TCF20: variants seen among roughly 807,000 people sequenced by gnomAD.
TCF20 encodes SPRE-binding protein.
Under a neutral mutation model 148.6 loss-of-function variants are expected in TCF20, and 3 were observed. The ratio of observed to expected loss-of-function variants is 0.02; its 90% CI spans 0.01 to 0.05. The LOEUF is 0.05. Ranked by LOEUF, TCF20 falls within the 10% of genes least tolerant of loss-of-function variation. TCF20 has a pLI of 1.00. For synonymous variants in TCF20, 1,049 were observed against 909.5 expected (o/e 1.15, Z -2.76); for missense variants, 2,350 against 2,429.3 (o/e 0.97, Z 0.69).
chr22:42,204,501 T>C (rs1360321001), intron 2 of TCF20, among the ~76,000 whole-genome samples: 1 of 142,012 alleles, frequency 7.0e-6, no homozygotes, highest in Non-Finnish European at 1.5e-5. Flanking sequence ...TCTCAAAAAA[T>C]CAAGGAAAAA....
At chr22:42,197,633 C>CTT (rs1350935774) in intron 2 of TCF20, among the ~76,000 whole-genome samples, 35 of 152,162 alleles carry the variant, frequency 2.3e-4, no homozygotes, top group Admixed American at 2.3e-3. Context: ...GGATGAGAAA[C>CTT]TTTTTAAGAG....
At chr22:42,187,125 G>A (rs1005333262) in intron 2 of TCF20, among the ~76,000 whole-genome samples, 1 of 152,128 alleles carries the variant, frequency 6.6e-6, no homozygotes, top group Admixed American at 6.5e-5. Flanking sequence ...AGAATAATCT[G>A]CTGTGGCTGA....
At chr22:42,197,897 A>G (rs1328399408) in intron 2 of TCF20, among the ~76,000 whole-genome samples, 7 of 152,242 alleles carry the variant, frequency 4.6e-5, no homozygotes, top group Non-Finnish European at 8.8e-5. Flanking sequence ...AGCAGTAAAC[A>G]GGCTCACCTG....
intron 1 of TCF20, among the ~76,000 whole-genome samples, chr22:42,334,614 C>A (rs181612523): frequency 6.6e-6 from 1 of 152,258 alleles, no homozygotes; most frequent in African/African-American, 2.4e-5. Context: ...CGGCACATGC[C>A]GAGAACAACA....
At chr22:42,192,485 A>C (rs963627303) in intron 2 of TCF20, among the ~76,000 whole-genome samples, 1 of 152,168 alleles carries the variant, frequency 6.6e-6, no homozygotes, top group African/African-American at 2.4e-5. Flanking sequence ...TGTCAGGCAA[A>C]GCCACCCTAT....
At chr22:42,269,353 G>A (rs994851587) in intron 1 of TCF20, among the ~76,000 whole-genome samples, 2 of 152,260 alleles carry the variant, frequency 1.3e-5, no homozygotes, top group South Asian at 4.1e-4. Flanking sequence ...TGACCCCTAA[G>A]GTCAAACTAA....
At position 42,290,166 on chromosome 22, in the gene TCF20, G is replaced by C. The variant is rs1569202014; in HGVS notation, c.-37+53313C>G. 2.0e-5 allele frequency among the ~76,000 whole-genome samples: 3 copies of C among 152,016 alleles called. No individual in the cohort carries two copies. The highest frequency in any genetic ancestry group is 2.9e-5 in the Non-Finnish European group (2 of 67,984). On this transcript the variant is annotated intron_variant, in intron 1 of 1. Coordinates refer to the TCF20 transcript ENST00000515426. This position sits in a 1 kb window ranked among gnomAD's most constrained non-coding sequence, Gnocchi z 4.2. ...GCAGGGCTGGGCCCCAATCCTTGCTGGGGGCCAGGGCCAGAGGTGGGCCAG... is the reference window on the plus strand; with the variant it reads ...GCAGGGCTGGGCCCCAATCCTTGCTCGGGGCCAGGGCCAGAGGTGGGCCAG...
chr22:42,240,269 A>G (rs1217526630), intron 1 of TCF20, among the ~76,000 whole-genome samples: 1 of 152,228 alleles, frequency 6.6e-6, no homozygotes, highest in African/African-American at 2.4e-5. Flanking sequence ...TGCAGAGATC[A>G]TGCTCTAGAT....
At chr22:42,184,859 G>GT (rs1191868283) in intron 2 of TCF20, among the ~76,000 whole-genome samples, 1 of 152,166 alleles carries the variant, frequency 6.6e-6, no homozygotes, top group African/African-American at 2.4e-5. Context: ...ATTATAAAAG[G>GT]TATTATTAGT....
At position 42,245,479 on chromosome 22, in the gene TCF20, A is replaced by T. The variant is rs545345896; in HGVS notation, c.-37+24860T>A. ...GGAGGTTTCTAACACTAAATTAAATATTGTTTCTTTGAACACTGACCTACT... is the reference window on the plus strand; with the variant it reads ...GGAGGTTTCTAACACTAAATTAAATTTTGTTTCTTTGAACACTGACCTACT... On this transcript the variant is annotated intron_variant, in intron 1 of 5. Transcript: ENST00000677622. Among the ~76,000 whole-genome samples, 13 of 152,326 alleles carry T rather than the reference A, an allele frequency of 8.5e-5. No individual in the cohort carries two copies. The South Asian group carries it at 2.3e-3, about 27-fold the overall frequency.
intron 1 of TCF20, among the ~76,000 whole-genome samples, chr22:42,220,120 G>A (rs1282318141): frequency 6.6e-6 from 1 of 152,060 alleles, no homozygotes; most frequent in African/African-American, 2.4e-5. Flanking sequence ...ACCAACATTG[G>A]CTTTCTCTGT....
intron 1 of TCF20, among the ~76,000 whole-genome samples, chr22:42,258,848 G>A (rs576015841): frequency 3.3e-5 from 5 of 152,204 alleles, no homozygotes; most frequent in Non-Finnish European, 7.4e-5. Context: ...AACTCCATAA[G>A]AAGTATTTAT....
In TCF20 at chr22:42,245,232, C is replaced by T. The variant is rs1240327489; in HGVS notation, c.-37+25107G>A. Among the ~76,000 whole-genome samples the T allele has an allele frequency of 1.3e-5, 2 of 152,134 alleles. 1 individual carries two copies. The highest frequency in any genetic ancestry group is 2.9e-5 in the Non-Finnish European group (2 of 68,026). On this transcript the variant is annotated intron_variant, in intron 1 of 5. Transcript: ENST00000677622. ...TTCTCTTTGTAGCTGGGACTACAGG[C>T]ATGCACCACTATGCCCGGCTATTTT...
chr22:42,325,773 A>T (rs894885193), intron 1 of TCF20, among the ~76,000 whole-genome samples: 1 of 152,164 alleles, frequency 6.6e-6, no homozygotes, highest in African/African-American at 2.4e-5. Flanking sequence ...GTGGGGAGCA[A>T]GGCACTGCAT....
rs1317521793 is a variant in TCF20, at chr22:42,161,215, G to A, written c.*188C>T. 4.5e-6 allele frequency: 5 copies of A among 1,119,222 alleles called. No individual in the cohort carries two copies. In the East Asian group the frequency reaches 1.3e-4, roughly 29 times the overall value. The allele number at this position is 1,119,222 out of a possible 1,614,324, so 69.3% of individuals were successfully genotyped here. A position where few individuals can be genotyped will look rare whatever the true frequency, so the allele number is the denominator to read the frequency against. ...CTTTCCTGTGGTGTCACTGGTTTGA[G>A]TGTGATGTGAGAACTTAAGGAAGTG... is the stretch of plus-strand genomic sequence containing the variant. On this transcript the variant is annotated 3_prime_UTR_variant, in exon 6 of 6. Coordinates refer to ENST00000677622, the MANE Select transcript of TCF20 (RefSeq NM_001378418.1).
At chr22:42,303,753 C>T (rs528263148) in intron 1 of TCF20, among the ~76,000 whole-genome samples, 13 of 151,846 alleles carry the variant, frequency 8.6e-5, no homozygotes, top group South Asian at 6.2e-4. Flanking sequence ...GCTTGGAAAA[C>T]GCTCAGGCCA....
intron 1 of TCF20, among the ~76,000 whole-genome samples, chr22:42,264,869 C>T (rs879108177): frequency 1.3e-5 from 2 of 152,174 alleles, no homozygotes; most frequent in African/African-American, 2.4e-5. Flanking sequence ...CACATGCACG[C>T]GGACCTTAAT....
intron 1 of TCF20, among the ~76,000 whole-genome samples, chr22:42,228,706 A>G (rs1923127840): frequency 6.6e-6 from 1 of 152,252 alleles, no homozygotes; most frequent in African/African-American, 2.4e-5. Flanking sequence ...GAGACAGCCA[A>G]TGCGACAGGA....
Position 42,214,193 on chromosome 22 carries a change from A to C in TCF20, c.1113T>G (p.Ser371=). 6.2e-7 allele frequency: 1 copy of C among 1,614,202 alleles called. No individual in the cohort carries two copies. Among genetic ancestry groups the C allele is most frequent in the Non-Finnish European group, 8.5e-7 (1 of 1,180,040 alleles). ...HQNFSPISNP[S]PAASVVQSPS... is the part of the protein sequence containing the mutation. The stretch of plus-strand genomic sequence containing the variant: ...GAGACTGAACCACAGAGGCAGCTGG[A>C]GAAGGGTTAGAAATGGGGCTGAAGT... The change falls in exon 2 of 6, where the codon TCT becomes TCG. Residue 371 remains serine (S), a synonymous_variant. Coordinates refer to ENST00000677622, the MANE Select transcript of TCF20 (RefSeq NM_001378418.1).
Sources: allele counts gnomAD v4.1 joint callset (sites outside exome capture counted in the v4.1 genomes callset), GRCh38; gene constraint gnomAD v4.1.1; non-coding constraint Gnocchi (gnomAD v3.1); transcripts MANE v1.5; gene names NCBI Gene and HGNC (gene_info 2026-07-23, HGNC 2026-07-21).